The following FAM167A variants were observed in gnomAD, a reference collection of about 807,000 sequenced individuals.
FAM167A encodes protein FAM167A.
Under a neutral mutation model 14.9 loss-of-function variants are expected in FAM167A, and 23 were observed. The observed-to-expected ratio is 1.55, with a 90% CI of 1.11 to 2.19. The LOEUF (loss-of-function observed/expected upper bound fraction) is 2.19, where lower values mean the gene tolerates loss of function less well. FAM167A is among the 30% of genes most tolerant of loss of function. The pLI, the probability that FAM167A is intolerant of heterozygous loss-of-function variation, is 0.00. For missense variants in FAM167A, 401 were observed against 281.5 expected (o/e 1.42, Z -3.04); for synonymous variants, 174 against 117.7 (o/e 1.48, Z -3.10).
chr8:11,471,310 G>A (rs144743009), upstream of FAM167A, among the ~76,000 whole-genome samples: 144 of 152,300 alleles, frequency 9.5e-4, 1 homozygote, highest in African/African-American at 2.9e-3. Flanking sequence ...AGGGCTCGGC[G>A]CAACTGCAAA....
intron 1 of FAM167A, among the ~76,000 whole-genome samples, chr8:11,463,702 G>A (rs1451957262): frequency 6.6e-6 from 1 of 152,228 alleles, no homozygotes; most frequent in African/African-American, 2.4e-5. Context: ...CTTTGGATCA[G>A]GATGCCCTGG....
At chr8:11,467,685 G>C (rs1453931760), upstream of FAM167A, 1 of 152,356 alleles carries the variant, frequency 6.6e-6, no homozygotes, top group Non-Finnish European at 1.5e-5. Context: ...CAGGCTCCAG[G>C]CAGGTGCGCG....
chr8:11,444,963 T>C, intron 1 of FAM167A, 155 bp from the exon 2 acceptor site: 2 of 703,940 alleles, frequency 2.8e-6, no homozygotes, highest in Non-Finnish European at 3.5e-6. Flanking sequence ...ATCATTTTAA[T>C]GCCTTAATTC....
At chr8:11,448,740 C>T (rs987563431) in intron 1 of FAM167A, among the ~76,000 whole-genome samples, 1 of 152,236 alleles carries the variant, frequency 6.6e-6, no homozygotes, top group African/African-American at 2.4e-5. Flanking sequence ...ATTGTGAATG[C>T]CCCGCCCACG....
At chr8:11,427,333 TTA>T (rs1805244576) in intron 2 of FAM167A, among the ~76,000 whole-genome samples, 1 of 152,224 alleles carries the variant, frequency 6.6e-6, no homozygotes, top group Non-Finnish European at 1.5e-5. Flanking sequence ...AGGGACTGGC[TTA>T]GTGCAGAGCG....
At chr8:11,441,268 G>A (rs1316815510) in intron 2 of FAM167A, among the ~76,000 whole-genome samples, 1 of 152,218 alleles carries the variant, frequency 6.6e-6, no homozygotes, top group Non-Finnish European at 1.5e-5. Flanking sequence ...CCCTGGGTCT[G>A]TCCTCTCAGG....
chr8:11,442,533 G>A (rs991113170), intron 2 of FAM167A, among the ~76,000 whole-genome samples: 3 of 152,238 alleles, frequency 2.0e-5, no homozygotes, highest in South Asian at 4.2e-4. Flanking sequence ...ATAAAATCTC[G>A]AACTCGAAAC....
At chr8:11,470,600 A>T (rs191326200), upstream of FAM167A, among the ~76,000 whole-genome samples, 266 of 152,256 alleles carry the variant, frequency 1.7e-3, 1 homozygote, top group Non-Finnish European at 2.9e-3. Flanking sequence ...GCCCTCTCTA[A>T]ATCAGTCTCT....
chr8:11,438,180 A>C (rs1806169042), intron 2 of FAM167A: 1 of 454,996 alleles, frequency 2.2e-6, no homozygotes, highest in Non-Finnish European at 4.4e-6. Flanking sequence ...TGCCTCTCTC[A>C]GCCCCGGAAT....
chr8:11,428,727 C>A (rs1330088679), intron 2 of FAM167A, among the ~76,000 whole-genome samples: 1 of 152,218 alleles, frequency 6.6e-6, no homozygotes, highest in African/African-American at 2.4e-5. Context: ...AGGGTTTGTC[C>A]CCGTGATGCG....
chr8:11,440,450 T>C (rs570926774), intron 2 of FAM167A, among the ~76,000 whole-genome samples: 96 of 152,322 alleles, frequency 6.3e-4, no homozygotes, highest in African/African-American at 2.0e-3. Flanking sequence ...GTTAGGATCC[T>C]CCCAGCCTCA....
At chr8:11,431,581 G>A (rs1308575327) in intron 2 of FAM167A, among the ~76,000 whole-genome samples, 2 of 152,196 alleles carry the variant, frequency 1.3e-5, no homozygotes, top group South Asian at 2.1e-4. Flanking sequence ...TGCAAATTTA[G>A]AGCAATCAGT....
intron 2 of FAM167A, among the ~76,000 whole-genome samples, chr8:11,436,653 T>C (rs1413083590): frequency 6.6e-6 from 1 of 152,200 alleles, no homozygotes; most frequent in African/African-American, 2.4e-5. Flanking sequence ...TACATGAAAC[T>C]GGAAGCTTTA....
chr8:11,466,859 C>A (rs970243606), upstream of FAM167A: 5 of 152,228 alleles, frequency 3.3e-5, no homozygotes, highest in African/African-American at 4.8e-5. Flanking sequence ...ACCGCGATCC[C>A]GGCCTCGCGT....
chr8:11,421,986 G>C lies in FAM167A; in HGVS notation c.*2387C>G. On this transcript the variant is annotated 3_prime_UTR_variant, in exon 3 of 3. Transcript: ENST00000284486. ...TGGACGATGTTTAGAAAACATCGCTGTCCCCCTCCACTTCTCATCTTGGGT... is the reference window on the plus strand; with the variant it reads ...TGGACGATGTTTAGAAAACATCGCTCTCCCCCTCCACTTCTCATCTTGGGT... 1 of 396,498 alleles carries C rather than the reference G, an allele frequency of 2.5e-6. No individual in the cohort carries two copies. Among genetic ancestry groups the C allele is most frequent in the Non-Finnish European group, 4.4e-6 (1 of 225,258 alleles). The allele number at this position is 396,498 out of a possible 1,614,324, so 24.6% of individuals were successfully genotyped here.
intron 2 of FAM167A, chr8:11,434,822 C>T: frequency 2.9e-6 from 1 of 348,836 alleles, no homozygotes. Flanking sequence ...TTCCTCCCCT[C>T]CCATCAGATT....
intron 1 of FAM167A, among the ~76,000 whole-genome samples, chr8:11,455,377 T>G (rs1383465620): frequency 6.1e-5 from 7 of 115,292 alleles, no homozygotes; most frequent in Non-Finnish European, 1.0e-4. Flanking sequence ...GTGGGATGGT[T>G]GCCTTGCGTG....
chr8:11,429,067 C>A (rs943373716), intron 2 of FAM167A, among the ~76,000 whole-genome samples: 14 of 152,112 alleles, frequency 9.2e-5, no homozygotes, highest in African/African-American at 3.4e-4. Flanking sequence ...CATCCATCTC[C>A]AGAGCTCTTT....
intron 1 of FAM167A, among the ~76,000 whole-genome samples, chr8:11,460,895 T>A (rs1807511207): frequency 6.6e-6 from 1 of 152,154 alleles, no homozygotes. Flanking sequence ...TCTATAAAAA[T>A]ACTTAAGACC....
Sources: gnomAD v4.1 joint callset for allele counts (sites outside exome capture counted in the v4.1 genomes callset) on GRCh38, gnomAD v4.1.1 for gene constraint, MANE v1.5 for transcripts, NCBI Gene and HGNC (gene_info 2026-07-23, HGNC 2026-07-21) for gene names.